CDC42BPB: variants seen among roughly 807,000 people sequenced by gnomAD.
CDC42BPB encodes CDC42 binding protein kinase beta.
Under a neutral mutation model 214.9 loss-of-function variants are expected in CDC42BPB, and 37 were observed. That is an observed-to-expected ratio of 0.17 (90% CI 0.13 to 0.23). The LOEUF is 0.23. CDC42BPB is among the 10% of genes least tolerant of loss of function. The probability of loss-of-function intolerance (pLI) is 1.00; values close to 1 mark genes in which losing one functional copy is unlikely to be tolerated. For missense variants in CDC42BPB, 1,694 were observed against 2,227.0 expected, an observed-to-expected ratio of 0.76 and a Z score of 4.82; for synonymous variants, 931 against 884.0, an observed-to-expected ratio of 1.05 and a Z score of -0.94.
intron 36 of CDC42BPB, among the ~76,000 whole-genome samples, chr14:102,934,701 G>A (rs1891560179): frequency 6.6e-6 from 1 of 151,886 alleles, no homozygotes; most frequent in Admixed American, 6.6e-5. Flanking sequence ...AATGGTGAGA[G>A]ACAAAATTTT....
chr14:103,011,484 G>A (rs1452085311), intron 2 of CDC42BPB, among the ~76,000 whole-genome samples: 1 of 152,220 alleles, frequency 6.6e-6, no homozygotes, highest in African/African-American at 2.4e-5. Flanking sequence ...TGTAATCCCA[G>A]CACTTTGGGA....
intron 3 of CDC42BPB, among the ~76,000 whole-genome samples, chr14:103,006,270 T>C (rs1253606112): frequency 6.6e-6 from 1 of 152,204 alleles, no homozygotes; most frequent in Non-Finnish European, 1.5e-5. Flanking sequence ...GAAATGGTGA[T>C]GGAGTGCTGA....
chr14:102,947,639 G>A lies in CDC42BPB; in HGVS notation c.3531+82C>T, dbSNP rs1364623821. 3.2e-6 allele frequency: 4 copies of A among 1,249,324 alleles called. No homozygotes were observed. The African/African-American group carries it at 4.4e-5, about 14-fold the overall frequency. 77.4% of individuals were successfully genotyped at this position (1,249,324 alleles called of 1,614,324 possible). On this transcript the variant is annotated intron_variant, in intron 27 of 36. Coordinates refer to ENST00000361246, the MANE Select transcript of CDC42BPB (RefSeq NM_006035.4). ...AGGGCCACACTGGAGGTGCGCTGAT[G>A]GCTGCCGCAGCACAATGACATGCCT...
rs371301385 is a variant in CDC42BPB, at chr14:102,964,606, G to A, written c.2622C>T (p.Ser874=). The A allele has an allele frequency of 2.8e-5, 45 of 1,613,798 alleles. No homozygotes were observed. The highest frequency in any genetic ancestry group is 8.3e-5 in the Admixed American group (5 of 59,990). Residue 874 remains serine (S), a synonymous_variant, in exon 19 of 37, where the codon TCC becomes TCT. Coordinates refer to ENST00000361246, the MANE Select transcript of CDC42BPB (RefSeq NM_006035.4). ...GGGCCGACTGCAGCTCCAGCCGCGC[G>A]GACATGTCCAGCTTCTGGCTGCGGC... ...KVRRSQKLDM[S]ARLELQSALE...
At chr14:102,947,961 G>A (rs1350411322) in intron 26 of CDC42BPB, 159 bp from the exon 27 acceptor site, 2 of 983,928 alleles carry the variant, frequency 2.0e-6, no homozygotes, top group African/African-American at 3.5e-5. Flanking sequence ...AACACGGGCA[G>A]GGCCAACAAA....
chr14:102,953,105 C>T (rs778571567), intron 23 of CDC42BPB, among the ~76,000 whole-genome samples: 11 of 152,364 alleles, frequency 7.2e-5, no homozygotes, highest in Admixed American at 2.0e-4. Context: ...GTGAACCCAG[C>T]GGCAACTGCA....
In CDC42BPB at chr14:102,938,150, A is replaced by C. The variant is rs777479076; in HGVS notation, c.4958T>G (p.Val1653Gly). Residue 1653 changes from valine (V) to glycine (G), a missense_variant, in exon 36 of 37, where the codon GTG (valine) becomes GGG (glycine). By Grantham distance (109) the Val-to-Gly change is moderately radical. Transcript: ENST00000361246. Reference protein sequence around the residue: ...SSGGSEPSVTVPLRSMSDPDQ... With the variant: ...SSGGSEPSVTGPLRSMSDPDQ... ...TGGATCAGACATACTTCTCAGAGGC[A>C]CAGTCACGCTAGGCTCCGATCCACC... is the stretch of plus-strand genomic sequence containing the variant. 2.5e-6 allele frequency: 4 copies of C among 1,613,926 alleles called. No homozygotes were observed. The South Asian group carries it at 4.4e-5, about 18-fold the overall frequency.
rs1889045234 is a variant in CDC42BPB at position 103,057,347 on chromosome 14, C to G, written c.-174G>C. The G allele has an allele frequency of 2.9e-6, 3 of 1,021,334 alleles. No individual in the cohort carries two copies. The highest frequency in any genetic ancestry group is 4.5e-5 in the South Asian group (1 of 22,172). The allele number at this position is 1,021,334 out of a possible 1,614,324, so 63.3% of individuals were successfully genotyped here. ...TAGGCCGACATCTTGGGCTCCGTCC[C>G]GACGGCGCAGAGTCTGGGGCGCCGG... On this transcript the variant is annotated 5_prime_UTR_variant, in exon 1 of 37. Coordinates refer to ENST00000361246, the MANE Select transcript of CDC42BPB (RefSeq NM_006035.4).
intron 14 of CDC42BPB, 75 bp from the exon 15 acceptor site, chr14:102,968,791 A>C: frequency 6.4e-7 from 1 of 1,571,498 alleles, no homozygotes; most frequent in Non-Finnish European, 8.6e-7. Context: ...AACCCCTTTC[A>C]TCCCAAGCAA....
At chr14:103,014,719 A>C (rs1041307258) in intron 1 of CDC42BPB, among the ~76,000 whole-genome samples, 2 of 152,168 alleles carry the variant, frequency 1.3e-5, no homozygotes, top group African/African-American at 4.8e-5. Flanking sequence ...AATGGCCCCC[A>C]TCACAGCAAA....
chr14:103,052,696 G>C (rs565268664), intron 1 of CDC42BPB, among the ~76,000 whole-genome samples: 39 of 152,116 alleles, frequency 2.6e-4, no homozygotes, highest in African/African-American at 9.4e-4. Context: ...GAAGATGCCC[G>C]GACTGGGGAC....
intron 3 of CDC42BPB, among the ~76,000 whole-genome samples, chr14:103,007,334 G>A (rs184457721): frequency 3.9e-5 from 6 of 152,262 alleles, no homozygotes; most frequent in Admixed American, 1.3e-4. Context: ...GAGTCACGAG[G>A]AACCGATAAC....
chr14:103,025,313 G>GGTA (rs796232916), intron 1 of CDC42BPB, among the ~76,000 whole-genome samples: 6 of 152,090 alleles, frequency 3.9e-5, no homozygotes, highest in African/African-American at 1.4e-4. Context: ...TAACATATGT[G>GGTA]TACCCTACGG....
intron 1 of CDC42BPB, among the ~76,000 whole-genome samples, chr14:103,037,416 C>T (rs1038507041): frequency 1.3e-5 from 2 of 152,138 alleles, no homozygotes; most frequent in Non-Finnish European, 2.9e-5. Context: ...ATCTCAGCCT[C>T]CCGAGCAGCC....
intron 13 of CDC42BPB, among the ~76,000 whole-genome samples, chr14:102,971,028 C>T (rs1893449549): frequency 6.6e-6 from 1 of 152,218 alleles, no homozygotes; most frequent in Non-Finnish European, 1.5e-5. Context: ...CCCAGGGCGG[C>T]ACAGGGCTGC....
At chr14:102,950,960 C>T (rs899559310) in intron 24 of CDC42BPB, among the ~76,000 whole-genome samples, 1 of 152,006 alleles carries the variant, frequency 6.6e-6, no homozygotes, top group African/African-American at 2.4e-5. Context: ...AGCGAGACTC[C>T]ATCTCAAAAA....
rs780645988 is a variant in CDC42BPB, at chr14:102,944,006, C to G, written c.4293G>C (p.Glu1431Asp). Residue 1431 changes from glutamate to aspartate, a missense_variant, in exon 30 of 37, where the codon GAG becomes GAC. By Grantham distance (45) the Glu-to-Asp change is conservative. Coordinates refer to ENST00000361246, the MANE Select transcript of CDC42BPB (RefSeq NM_006035.4). This position sits in a 1 kb window ranked among gnomAD's most constrained non-coding sequence, Gnocchi z 6.6. Reference protein sequence around the residue: ...QQSFDALCAVELESEEYLLCF... With the variant: ...QQSFDALCAVDLESEEYLLCF... ...AAAGCAGGTACTCCTCGCTTTCGAG[C>G]TCCACAGCACAAAGGGCATCAAAAG... is the stretch of plus-strand genomic sequence containing the variant. The G allele has an allele frequency of 5.0e-6, 8 of 1,613,386 alleles. No individual in the cohort carries two copies. Among genetic ancestry groups the G allele is most frequent in the Middle Eastern group, 1.6e-4 (1 of 6,062 alleles).
rs1891512864 is a variant in CDC42BPB at position 102,933,920 on chromosome 14, T to C, written c.5005-77A>G. The C allele has an allele frequency of 3.4e-6, 5 of 1,452,050 alleles. No homozygotes were observed. In the East Asian group the frequency reaches 1.5e-4, roughly 43 times the overall value. The allele number at this position is 1,452,050 out of a possible 1,614,324, so 89.9% of individuals were successfully genotyped here. A position where few individuals can be genotyped will look rare whatever the true frequency, so the allele number is the denominator to read the frequency against. On this transcript the variant is annotated intron_variant, in intron 36 of 36. Transcript: ENST00000361246. ...GCACGCGTGCCCAGCTGGATGCAAA[T>C]GTTTGCTCAGGGACAACTGTCGCAA...
chr14:102,939,884 C>A lies in CDC42BPB; in HGVS notation c.4655G>T (p.Ser1552Ile). ...NSKKQMLRTR[S>I]KRRFVFKVPE... ...GACCTTGAAGACGAACCGCCTTTTG[C>A]TCCTGGTGCGCAGCATCTGCTTCTT... is the stretch of plus-strand genomic sequence containing the variant. Residue 1552 changes from serine (S) to isoleucine (I), a missense_variant, in exon 33 of 37, where the codon AGC becomes ATC. Ser to Ile is a moderately radical substitution (Grantham distance 142). This residue lies in a region of CDC42BPB where 567 missense variants were observed against 790.3 expected (regional missense o/e 0.72). Transcript: ENST00000361246. 8.1e-6 allele frequency: 13 copies of A among 1,614,076 alleles called. No individual in the cohort carries two copies. Among genetic ancestry groups the A allele is most frequent in the Non-Finnish European group, 1.1e-5 (13 of 1,180,044 alleles).
Sources: allele counts gnomAD v4.1 joint callset (sites outside exome capture counted in the v4.1 genomes callset), GRCh38; gene constraint gnomAD v4.1.1; regional missense constraint gnomAD v4.1.1; non-coding constraint Gnocchi (gnomAD v3.1); transcripts MANE v1.5; gene names NCBI Gene and HGNC (gene_info 2026-07-23, HGNC 2026-07-21).